Variants in NR3C1 observed in about 807,000 individuals in gnomAD.
NR3C1 encodes the protein nuclear receptor subfamily 3 group C member 1.
A neutral mutation model predicts 74.0 loss-of-function variants in NR3C1; 14 were observed. That is an observed-to-expected ratio of 0.19 (90% confidence interval 0.12 to 0.30). The LOEUF (loss-of-function observed/expected upper bound fraction) is 0.30. Ranked by LOEUF, NR3C1 falls within the 10% of genes least tolerant of loss-of-function variation. The pLI is 1.00. For synonymous variants in NR3C1, 308 were observed against 332.5 expected (o/e 0.93, Z 0.80); for missense variants, 695 against 909.8 (o/e 0.76, Z 3.04).
At chr5:143,398,473 G>C (rs1344099594) in intron 2 of NR3C1, among the ~76,000 whole-genome samples, 2 of 147,476 alleles carry the variant, frequency 1.4e-5, no homozygotes, top group Non-Finnish European at 3.0e-5. Context: ...GGAAAGAAAA[G>C]AGACATCCTC....
intron 2 of NR3C1, among the ~76,000 whole-genome samples, chr5:143,349,696 C>G (rs1231885411): frequency 6.6e-6 from 1 of 152,144 alleles, no homozygotes; most frequent in Non-Finnish European, 1.5e-5. Context: ...CTTCATACAT[C>G]TAACAAATAT....
intron 2 of NR3C1, among the ~76,000 whole-genome samples, chr5:143,325,164 A>C (rs999059673): frequency 6.6e-6 from 1 of 152,214 alleles, no homozygotes; most frequent in Non-Finnish European, 1.5e-5. Context: ...TGCTTGTGAT[A>C]AAGACACACC....
At position 143,403,504 on chromosome 5, in the gene NR3C1, C is replaced by T. The variant is rs1427651674; in HGVS notation, c.-307G>A. 4 of 985,216 alleles carry T rather than the reference C, an allele frequency of 4.1e-6. No individual in the cohort carries two copies. The African/African-American group carries it at 5.2e-5, about 13-fold the overall frequency. The allele number at this position is 985,216 out of a possible 1,614,324, so 61.0% of individuals were successfully genotyped here. A position where few individuals can be genotyped will look rare whatever the true frequency, so the allele number is the denominator to read the frequency against. ...CCAGCTGCTTCGGCCGCTCCGGCTG[C>T]GGCGTCTCCTTCCACCCACAGAATC... On this transcript the variant is annotated 5_prime_UTR_variant, in exon 1 of 9. Transcript: ENST00000394464.
At chr5:143,331,669 A>C (rs1825972021) in intron 2 of NR3C1, among the ~76,000 whole-genome samples, 1 of 152,214 alleles carries the variant, frequency 6.6e-6, no homozygotes, top group Non-Finnish European at 1.5e-5. Context: ...TCCTAAGCAA[A>C]CTAACACAGG....
intron 1 of NR3C1, among the ~76,000 whole-genome samples, chr5:143,427,379 C>A (rs567641234): frequency 6.6e-6 from 1 of 151,950 alleles, no homozygotes; most frequent in Non-Finnish European, 1.5e-5. Context: ...GGGGGAATTA[C>A]CCTGAGAGGT....
upstream of NR3C1, chr5:143,405,305 C>T (rs867217406): frequency 1.0e-6 from 1 of 985,674 alleles, no homozygotes; most frequent in Non-Finnish European, 1.2e-6. Flanking sequence ...TAATCCTGCT[C>T]GGGCGCTCGG....
chr5:143,413,266 G>A (rs1024531881), intron 1 of NR3C1, among the ~76,000 whole-genome samples: 1 of 152,096 alleles, frequency 6.6e-6, no homozygotes, highest in African/African-American at 2.4e-5. Flanking sequence ...TGGTGGTCAC[G>A]GAGGGTTTCC....
chr5:143,322,974 T>C (rs1823692310), intron 2 of NR3C1, among the ~76,000 whole-genome samples: 1 of 152,224 alleles, frequency 6.6e-6, no homozygotes, highest in Admixed American at 6.5e-5. Context: ...TAATCTTAGG[T>C]ACAGGACTCC....
chr5:143,349,569 AC>A (rs1561637836), intron 2 of NR3C1, among the ~76,000 whole-genome samples: 3 of 152,144 alleles, frequency 2.0e-5, no homozygotes, highest in Admixed American at 6.6e-5. Flanking sequence ...GGTTTAAAAC[AC>A]AGTATTTCCT....
chr5:143,310,049 T>C, intron 4 of NR3C1, 48 bp downstream of exon 4: 2 of 1,390,102 alleles, frequency 1.4e-6, no homozygotes, highest in Non-Finnish European at 1.0e-6. Flanking sequence ...AATGATAAAT[T>C]TTTATAAGCT....
At chr5:143,384,597 C>T (rs1004591308) in intron 2 of NR3C1, among the ~76,000 whole-genome samples, 1 of 152,194 alleles carries the variant, frequency 6.6e-6, no homozygotes, top group African/African-American at 2.4e-5. Flanking sequence ...TGTCCAAAAA[C>T]CTGCAGGACA....
At chr5:143,399,603 T>C in intron 2 of NR3C1, 53 bp downstream of exon 2, 1 of 1,266,976 alleles carries the variant, frequency 7.9e-7, no homozygotes, top group East Asian at 2.3e-5. Context: ...TTTACATCTA[T>C]TAATCTACCT....
chr5:143,349,551 G>C (rs1829885468), intron 2 of NR3C1, among the ~76,000 whole-genome samples: 2 of 152,126 alleles, frequency 1.3e-5, no homozygotes, highest in Non-Finnish European at 2.9e-5. Flanking sequence ...TTTTGCTTCA[G>C]TTATAGTGGT....
chr5:143,308,895 T>A (rs1820231778), intron 4 of NR3C1, among the ~76,000 whole-genome samples: 1 of 152,190 alleles, frequency 6.6e-6, no homozygotes, highest in Admixed American at 6.5e-5. Flanking sequence ...TCACAATAAA[T>A]ACTAAGCATA....
intron 4 of NR3C1, among the ~76,000 whole-genome samples, chr5:143,306,142 C>G (rs546273859): frequency 3.2e-4 from 49 of 152,180 alleles, no homozygotes; most frequent in African/African-American, 1.1e-3. Flanking sequence ...AAAATCTTAT[C>G]TGTTCTTAAA....
Position 143,294,233 on chromosome 5 carries a change from A to C in NR3C1, c.2023+1227T>G, listed in dbSNP as rs1212953030. The C allele has an allele frequency of 1.0e-5, 10 of 985,014 alleles. No individual in the cohort carries two copies. In the East Asian group the frequency reaches 1.0e-3, roughly 100 times the overall value. The allele number at this position is 985,014 out of a possible 1,614,324, so 61.0% of individuals were successfully genotyped here. On this transcript the variant is annotated intron_variant, in intron 7 of 8. Coordinates refer to ENST00000394464, the MANE Select transcript of NR3C1 (RefSeq NM_000176.3). ...CTTACAGTTATTTGGCAACTATGAA[A>C]CCACAGTTACTAATGGAATTAAGAC...
chr5:143,315,014 G>T (rs1186896927), intron 2 of NR3C1, among the ~76,000 whole-genome samples: 1 of 152,102 alleles, frequency 6.6e-6, no homozygotes, highest in Non-Finnish European at 1.5e-5. Flanking sequence ...AAGAGTGCAG[G>T]TCTAGTGATT....
At chr5:143,337,042 C>T (rs560784434) in intron 2 of NR3C1, among the ~76,000 whole-genome samples, 2 of 152,048 alleles carry the variant, frequency 1.3e-5, no homozygotes, top group Non-Finnish European at 2.9e-5. Flanking sequence ...CGCACACACA[C>T]ATATATATCT....
intron 2 of NR3C1, among the ~76,000 whole-genome samples, chr5:143,341,570 G>C (rs1828232998): frequency 6.6e-6 from 1 of 152,190 alleles, no homozygotes; most frequent in Non-Finnish European, 1.5e-5. Context: ...AACACAAGAA[G>C]AGAAGTCTTC....
Sources: gnomAD v4.1 joint callset for allele counts (sites outside exome capture counted in the v4.1 genomes callset) on GRCh38, gnomAD v4.1.1 for gene constraint, MANE v1.5 for transcripts, NCBI Gene and HGNC (gene_info 2026-07-23, HGNC 2026-07-21) for gene names.